ZMYM2: variants seen among roughly 807,000 people sequenced by gnomAD.
ZMYM2 encodes zinc finger MYM-type protein 2.
Under a neutral mutation model 162.8 loss-of-function variants are expected in ZMYM2, and 56 were observed. The ratio of observed to expected loss-of-function variants is 0.34; its 90% CI spans 0.28 to 0.43. The LOEUF is 0.43. Ranked by LOEUF, ZMYM2 falls within the 20% of genes least tolerant of loss-of-function variation. The pLI is 1.00. For missense variants in ZMYM2, 1,275 were observed against 1,621.8 expected (o/e 0.79, Z 3.67); for synonymous variants, 510 against 541.6 (o/e 0.94, Z 0.81).
intron 6 of ZMYM2, among the ~76,000 whole-genome samples, chr13:20,013,877 C>T (rs1951398017): frequency 6.6e-6 from 1 of 151,978 alleles, no homozygotes; most frequent in South Asian, 2.1e-4. Context: ...GGATACTGGT[C>T]TCTGATTTTC....
chr13:20,031,505 T>C, intron 10 of ZMYM2, 70 bp downstream of exon 10: 1 of 981,552 alleles, frequency 1.0e-6, no homozygotes, highest in Non-Finnish European at 1.4e-6. Context: ...GTGTTGTATT[T>C]CCATCTGGAA....
chr13:19,985,751 C>CT, intron 2 of ZMYM2, among the ~76,000 whole-genome samples: 1 of 151,978 alleles, frequency 6.6e-6, no homozygotes, highest in East Asian at 1.9e-4. Flanking sequence ...TGGCACGTGC[C>CT]TGTAGTCCCA....
chr13:19,940,002 C>A, the ZMYM2 span, among the ~76,000 whole-genome samples: 1 of 152,080 alleles, frequency 6.6e-6, no homozygotes, highest in South Asian at 2.1e-4. Flanking sequence ...TATTGTTAAC[C>A]GAGAAATCAA....
the ZMYM2 span, among the ~76,000 whole-genome samples, chr13:19,892,579 A>G: frequency 6.6e-6 from 1 of 150,798 alleles, no homozygotes. Flanking sequence ...CTGTCCCACT[A>G]ATGATTTAAA....
At chr13:19,900,428 G>A in the ZMYM2 span, among the ~76,000 whole-genome samples, 3 of 152,120 alleles carry the variant, frequency 2.0e-5, no homozygotes, top group Admixed American at 1.3e-4. Flanking sequence ...CTATTACTAG[G>A]AAGGAGATTG....
chr13:20,082,206 T>C (rs1593284705), intron 22 of ZMYM2, 76 bp downstream of exon 22: 1 of 1,094,554 alleles, frequency 9.1e-7, no homozygotes, highest in Non-Finnish European at 1.3e-6. Context: ...TTTGAAAATA[T>C]TATAATTAAG....
In ZMYM2 at chr13:20,088,583, A is replaced by C. The variant is rs773237093; in HGVS notation, c.*2569A>C. 5.1e-6 allele frequency: 1 copy of C among 194,556 alleles called. No homozygotes were observed. Among genetic ancestry groups the C allele is most frequent in the Non-Finnish European group, 1.1e-5 (1 of 93,462 alleles). 12.1% of individuals were successfully genotyped at this position (194,556 alleles called of 1,614,324 possible). On this transcript the variant is annotated 3_prime_UTR_variant, in exon 25 of 25. Transcript: ENST00000610343. ...TTTAAAAGGCTTTACTGTATTAGGT[A>C]ACATAGATATTAAAGGATTTTTCTA...
chr13:19,875,464 C>T, the ZMYM2 span, among the ~76,000 whole-genome samples: 2 of 151,674 alleles, frequency 1.3e-5, no homozygotes, highest in South Asian at 4.2e-4. Flanking sequence ...CCTGTGTCTA[C>T]TAAAAATACA....
the ZMYM2 span, among the ~76,000 whole-genome samples, chr13:19,886,534 C>G: frequency 6.6e-6 from 1 of 151,870 alleles, no homozygotes; most frequent in African/African-American, 2.4e-5. Context: ...AGCGTGGAGC[C>G]CTGTACCACT....
chr13:20,021,819 A>T (rs9506416), intron 7 of ZMYM2, among the ~76,000 whole-genome samples: 144 of 152,222 alleles, frequency 9.5e-4, no homozygotes, highest in African/African-American at 3.4e-3. Context: ...ATGTCTGTAG[A>T]TGTAGTTTTA....
intron 2 of ZMYM2, among the ~76,000 whole-genome samples, chr13:19,963,760 A>G (rs1955493326): frequency 3.3e-5 from 5 of 152,026 alleles, no homozygotes; most frequent in Admixed American, 3.3e-4. Flanking sequence ...TTTTTTTTGG[A>G]TCAAGCTTTA....
intron 13 of ZMYM2, 39 bp from the exon 14 acceptor site, chr13:20,052,236 AAG>A: frequency 1.3e-6 from 2 of 1,483,460 alleles, no homozygotes; most frequent in African/African-American, 1.4e-5. Flanking sequence ...ATTCTGAAGA[AAG>A]AGTATTTGTC....
In ZMYM2 at chr13:20,026,777, T is replaced by C. The variant is rs1952621062; in HGVS notation, c.1735+15T>C. On this transcript the variant is annotated intron_variant, in intron 8 of 24. Coordinates refer to ENST00000610343, the MANE Select transcript of ZMYM2 (RefSeq NM_197968.4). ...AAAATCACAAAGTAAGTTTCACATA[T>C]TTGGACAGTTAAAAAAACTTTACAA... The C allele has an allele frequency of 6.4e-7, 1 of 1,574,160 alleles. No homozygotes were observed.
At chr13:19,888,601 T>A in the ZMYM2 span, among the ~76,000 whole-genome samples, 1 of 151,928 alleles carries the variant, frequency 6.6e-6, no homozygotes, top group South Asian at 2.1e-4. Flanking sequence ...ATTTATTTGT[T>A]TATTTATTTA....
chr13:20,048,804 GTTTT>G (rs60116074), intron 12 of ZMYM2, among the ~76,000 whole-genome samples: 3 of 143,648 alleles, frequency 2.1e-5, no homozygotes, highest in Admixed American at 6.8e-5. Flanking sequence ...CCTGTGACTT[GTTTT>G]TTTTTTTTTT....
chr13:19,975,775 T>G (rs1362299256), intron 2 of ZMYM2, among the ~76,000 whole-genome samples: 1 of 152,242 alleles, frequency 6.6e-6, no homozygotes, highest in Non-Finnish European at 1.5e-5. Flanking sequence ...CCATTTTACA[T>G]TTTTACCAGC....
intron 2 of ZMYM2, among the ~76,000 whole-genome samples, chr13:19,971,262 ATT>A (rs67460005): frequency 0.067 from 5,141 of 77,286 alleles, 242 homozygotes; most frequent in Admixed American, 0.12. Flanking sequence ...ATATATATAT[ATT>A]TTTTTTTTTT....
At chr13:19,883,932 T>C in the ZMYM2 span, among the ~76,000 whole-genome samples, 1 of 152,208 alleles carries the variant, frequency 6.6e-6, no homozygotes, top group Admixed American at 6.5e-5. Context: ...AATTTCTGTA[T>C]TTTTAGTACA....
the ZMYM2 span, among the ~76,000 whole-genome samples, chr13:19,924,303 G>T: frequency 1.3e-5 from 2 of 152,052 alleles, no homozygotes; most frequent in Non-Finnish European, 2.9e-5. Context: ...GGTGGCTCAC[G>T]CCTGTAATCC....
Sources: allele counts gnomAD v4.1 joint callset (sites outside exome capture counted in the v4.1 genomes callset), GRCh38; gene constraint gnomAD v4.1.1; transcripts MANE v1.5; gene names NCBI Gene and HGNC (gene_info 2026-07-23, HGNC 2026-07-21).